The following LUZP1 variants were observed in gnomAD, a reference collection of about 807,000 sequenced individuals.
LUZP1 encodes filamin mechanobinding actin cross-linking protein.
LUZP1 carries 25 observed loss-of-function variants against 71.3 expected under a neutral mutation model. The observed-to-expected ratio is 0.35, with a 90% CI of 0.26 to 0.49. The LOEUF (loss-of-function observed/expected upper bound fraction) is 0.49, where lower values mean the gene tolerates loss of function less well. Among genes scored for constraint, LUZP1 ranks in the 20% least tolerant of loss-of-function variants. The pLI is 0.99. For missense variants in LUZP1, 1,142 were observed against 1,300.8 expected (o/e 0.88, Z 1.88); for synonymous variants, 481 against 506.4 (o/e 0.95, Z 0.67).
chr1:23,091,566 A>G, exon 4 of LUZP1: 1 of 1,614,008 alleles, frequency 6.2e-7, no homozygotes, highest in Non-Finnish European at 8.5e-7. Flanking sequence ...TTTCCACCTG[A>G]TTGTCTCCGC....
intron 2 of LUZP1, among the ~76,000 whole-genome samples, chr1:23,129,822 T>C (rs1039502383): frequency 6.6e-6 from 1 of 152,212 alleles, no homozygotes; most frequent in Non-Finnish European, 1.5e-5. Context: ...TATATTTATA[T>C]ACGTACCATG....
At chr1:23,124,275 G>A (rs1325281001) in intron 2 of LUZP1, among the ~76,000 whole-genome samples, 1 of 152,102 alleles carries the variant, frequency 6.6e-6, no homozygotes, top group Admixed American at 6.6e-5. Context: ...TTTAAAGATG[G>A]GGAAAATAAA....
chr1:23,177,130 A>T (rs1644587176), intron 1 of LUZP1, among the ~76,000 whole-genome samples: 1 of 151,942 alleles, frequency 6.6e-6, no homozygotes, highest in South Asian at 2.1e-4. Context: ...GAATCAAGCG[A>T]TCCTCCCACC....
chr1:23,173,361 T>TTTTTTTTTTTTTC (rs1644564487), intron 1 of LUZP1, among the ~76,000 whole-genome samples: 1 of 135,822 alleles, frequency 7.4e-6, no homozygotes, highest in Non-Finnish European at 1.6e-5. Flanking sequence ...TTTTTTTTTT[T>TTTTTTTTTTTTTC]TTTTTTTTTT....
At chr1:23,091,199 T>C (rs373183934) in exon 4 of LUZP1, 9 of 1,604,922 alleles carry the variant, frequency 5.6e-6, no homozygotes, top group Non-Finnish European at 6.8e-6. Context: ...CCATGCTTGC[T>C]GAGTGGTTCC....
intron 2 of LUZP1, among the ~76,000 whole-genome samples, chr1:23,134,557 C>T (rs1349360847): frequency 6.7e-6 from 1 of 148,226 alleles, no homozygotes; most frequent in Non-Finnish European, 1.5e-5. Flanking sequence ...GGCAGGAGGA[C>T]TGCTTGAGCC....
chr1:23,092,043 C>T, exon 4 of LUZP1: 1 of 1,614,044 alleles, frequency 6.2e-7, no homozygotes, highest in Non-Finnish European at 8.5e-7. Context: ...GGGCCTTTGG[C>T]TTTTTACCCC....
chr1:23,093,350 G>A lies in LUZP1; in HGVS notation c.912C>T (p.His304=). The change falls in exon 4 of 5, where the codon CAC becomes CAT. Residue 304 remains histidine (H), a synonymous_variant. Coordinates refer to ENST00000302291, the Ensembl canonical transcript of LUZP1. This position sits in a 1 kb window ranked among gnomAD's most constrained non-coding sequence, Gnocchi z 4.2. ...TAAGCTCTTCTTCCAACGATTCAAAGTGTTTGATTTGTGTCTTAAGTTTCT... is the reference window on the plus strand; with the variant it reads ...TAAGCTCTTCTTCCAACGATTCAAAATGTTTGATTTGTGTCTTAAGTTTCT... 4 of 1,613,284 alleles carry A rather than the reference G, an allele frequency of 2.5e-6. No individual in the cohort carries two copies. Among genetic ancestry groups the A allele is most frequent in the Non-Finnish European group, 3.4e-6 (4 of 1,179,858 alleles).
intron 3 of LUZP1, among the ~76,000 whole-genome samples, chr1:23,106,936 A>AT (rs1217124963): frequency 4.6e-5 from 7 of 152,146 alleles, no homozygotes; most frequent in Non-Finnish European, 1.0e-4. Context: ...TTAGAATACA[A>AT]TGCACTCCAA....
intron 2 of LUZP1, among the ~76,000 whole-genome samples, chr1:23,120,231 C>T (rs982044944): frequency 2.6e-4 from 40 of 151,832 alleles, no homozygotes; most frequent in African/African-American, 5.3e-4. Flanking sequence ...ACATGAGACA[C>T]GGCACCAGCC....
intron 3 of LUZP1, among the ~76,000 whole-genome samples, chr1:23,097,284 T>C (rs1026397995): frequency 3.9e-5 from 6 of 152,154 alleles, no homozygotes; most frequent in Admixed American, 2.6e-4. Context: ...AAACAATCTA[T>C]AATAACAACT....
At chr1:23,121,663 T>A (rs1644130592) in intron 2 of LUZP1, among the ~76,000 whole-genome samples, 2 of 152,144 alleles carry the variant, frequency 1.3e-5, no homozygotes, top group Admixed American at 1.3e-4. Flanking sequence ...AAGGCTGCAG[T>A]GAGCCGAGAT....
intron 2 of LUZP1, among the ~76,000 whole-genome samples, chr1:23,159,642 G>A (rs1644448848): frequency 6.6e-6 from 1 of 152,202 alleles, no homozygotes; most frequent in African/African-American, 2.4e-5. Context: ...ATAAACTAAT[G>A]TATGAAAAAT....
chr1:23,157,770 C>T (rs1400166617), intron 2 of LUZP1, among the ~76,000 whole-genome samples: 1 of 150,266 alleles, frequency 6.7e-6, no homozygotes, highest in East Asian at 1.9e-4. Flanking sequence ...CAGCATGAGC[C>T]ATAGAGGGAG....
intron 3 of LUZP1, among the ~76,000 whole-genome samples, chr1:23,103,530 G>C (rs752007855): frequency 3.6e-4 from 54 of 151,824 alleles, no homozygotes; most frequent in Non-Finnish European, 5.9e-4. Context: ...CTCAGCTTCC[G>C]TTCAAACACT....
At chr1:23,126,837 T>C (rs912549465) in intron 2 of LUZP1, among the ~76,000 whole-genome samples, 1 of 152,204 alleles carries the variant, frequency 6.6e-6, no homozygotes, top group African/African-American at 2.4e-5. Context: ...CACTACTCTA[T>C]GGTAATGTGC....
intron 2 of LUZP1, among the ~76,000 whole-genome samples, chr1:23,165,428 T>C (rs1026633555): frequency 2.6e-5 from 4 of 151,644 alleles, no homozygotes; most frequent in Non-Finnish European, 4.4e-5. Flanking sequence ...TCTCAACACT[T>C]TGGGAGGCTG....
chr1:23,134,889 A>G (rs1644242136), intron 2 of LUZP1, among the ~76,000 whole-genome samples: 1 of 152,090 alleles, frequency 6.6e-6, no homozygotes, highest in South Asian at 2.1e-4. Flanking sequence ...ACACAGGTAA[A>G]TTGTGTGCCA....
intron 2 of LUZP1, among the ~76,000 whole-genome samples, chr1:23,138,695 GTGTA>G (rs1176738261): frequency 3.4e-4 from 37 of 109,626 alleles, no homozygotes; most frequent in African/African-American, 1.5e-3. Context: ...GTGTGTGTGT[GTGTA>G]TATATATATA....
Sources: allele counts gnomAD v4.1 joint callset (sites outside exome capture counted in the v4.1 genomes callset), GRCh38; gene constraint gnomAD v4.1.1; non-coding constraint Gnocchi (gnomAD v3.1); transcripts MANE v1.5; gene names NCBI Gene and HGNC (gene_info 2026-07-23, HGNC 2026-07-21).